Variants in UNC5D observed in about 807,000 individuals in gnomAD.
The protein encoded by UNC5D is unc-5 netrin receptor D, also known as netrin receptor UNC5D.
UNC5D carries 39 observed loss-of-function variants against 105.4 expected under a neutral mutation model. That is an observed-to-expected ratio of 0.37 (90% CI 0.29 to 0.48). UNC5D has a LOEUF of 0.48. Among genes scored for constraint, UNC5D ranks in the 20% least tolerant of loss-of-function variants. The pLI, the probability that UNC5D is intolerant of heterozygous loss-of-function variation, is 0.98. For synonymous variants in UNC5D, 452 were observed against 450.4 expected (o/e 1.00, Z -0.04); for missense variants, 991 against 1,202.4 (o/e 0.82, Z 2.60).
At chr8:35,575,745 A>G (rs554396910) in intron 3 of UNC5D, among the ~76,000 whole-genome samples, 1 of 152,296 alleles carries the variant, frequency 6.6e-6, no homozygotes, top group East Asian at 1.9e-4. Context: ...AAGAGACAAT[A>G]TTATTCTACT....
At chr8:35,754,326 T>C (rs1377935408) in intron 13 of UNC5D, among the ~76,000 whole-genome samples, 2 of 152,216 alleles carry the variant, frequency 1.3e-5, no homozygotes, top group South Asian at 2.1e-4. Flanking sequence ...CTTATGATGA[T>C]ACGTTTGTTG....
intron 3 of UNC5D, among the ~76,000 whole-genome samples, chr8:35,577,833 G>A (rs1466202289): frequency 6.6e-6 from 1 of 152,142 alleles, no homozygotes; most frequent in Non-Finnish European, 1.5e-5. Flanking sequence ...AGTAATCAAT[G>A]TTAATGTCAC....
intron 1 of UNC5D, among the ~76,000 whole-genome samples, chr8:35,351,338 T>C (rs1231457641): frequency 6.6e-6 from 1 of 152,124 alleles, no homozygotes; most frequent in African/African-American, 2.4e-5. Context: ...GGTGATCTTA[T>C]CCAGGGGTTT....
chr8:35,705,802 C>T (rs2131452372), intron 7 of UNC5D, 127 bp from the exon 8 acceptor site: 2 of 524,390 alleles, frequency 3.8e-6, no homozygotes, highest in South Asian at 2.4e-5. Flanking sequence ...AATGCCATTC[C>T]TGTTGTCCAT....
At chr8:35,586,816 T>G (rs1049176415) in intron 3 of UNC5D, among the ~76,000 whole-genome samples, 1 of 152,230 alleles carries the variant, frequency 6.6e-6, no homozygotes, top group Admixed American at 6.5e-5. Context: ...AAATTATTTT[T>G]ATTTCATTGC....
intron 1 of UNC5D, among the ~76,000 whole-genome samples, chr8:35,312,843 G>A (rs951873456): frequency 3.3e-5 from 5 of 152,170 alleles, no homozygotes; most frequent in Non-Finnish European, 7.3e-5. Context: ...AATAGTCACT[G>A]TTGTGTAACA....
chr8:35,250,563 C>T (rs941540440), intron 1 of UNC5D, among the ~76,000 whole-genome samples: 3 of 152,110 alleles, frequency 2.0e-5, no homozygotes, highest in African/African-American at 2.4e-5. Flanking sequence ...GGCACGATCT[C>T]GGCTCACCGC....
intron 4 of UNC5D, among the ~76,000 whole-genome samples, chr8:35,666,179 A>C (rs561630505): frequency 6.6e-6 from 1 of 152,032 alleles, no homozygotes; most frequent in East Asian, 1.9e-4. Context: ...TTTTTTTGTA[A>C]ATGTATGCCT....
chr8:35,722,296 CT>C lies in UNC5D; in HGVS notation c.1207del (p.Tyr403ThrfsTer18). 2 of 1,614,174 alleles carry C rather than the reference CT, an allele frequency of 1.2e-6. No individual in the cohort carries two copies. The highest frequency in any genetic ancestry group is 1.7e-6 in the Non-Finnish European group (2 of 1,180,030). The part of the protein sequence containing the change: ...AVAVLVIGVT[L>X]YRRSQSDYGV... ...TGCAGTCCTGGTCATTGGTGTCACCCTTTACAGACGGAGCCAGAGTGACTAT... is the reference window on the plus strand; with the variant it reads ...TGCAGTCCTGGTCATTGGTGTCACCCTTACAGACGGAGCCAGAGTGACTAT... On this transcript the variant is annotated frameshift_variant, in exon 9 of 17. Coordinates refer to ENST00000404895, the MANE Select transcript of UNC5D (RefSeq NM_080872.4). LOFTEE classifies it high-confidence loss of function.
At chr8:35,718,120 G>A (rs1208962858) in intron 8 of UNC5D, among the ~76,000 whole-genome samples, 3 of 151,534 alleles carry the variant, frequency 2.0e-5, no homozygotes, top group African/African-American at 7.3e-5. Flanking sequence ...AACACCTGTA[G>A]AATGTAGACA....
At chr8:35,394,042 T>C (rs191275792) in intron 1 of UNC5D, among the ~76,000 whole-genome samples, 1 of 152,058 alleles carries the variant, frequency 6.6e-6, no homozygotes, top group East Asian at 1.9e-4. Context: ...ATCTTTTTCC[T>C]TTTTTTTCTC....
rs2131818113 is a variant in UNC5D at position 35,790,802 on chromosome 8, A to T, written c.*239A>T. 1.8e-6 allele frequency: 1 copy of T among 550,436 alleles called. No homozygotes were observed. The highest frequency in any genetic ancestry group is 2.2e-5 in the South Asian group (1 of 44,804). 34.1% of individuals were successfully genotyped at this position (550,436 alleles called of 1,614,324 possible). On this transcript the variant is annotated 3_prime_UTR_variant, in exon 17 of 17. Coordinates refer to ENST00000404895, the MANE Select transcript of UNC5D (RefSeq NM_080872.4). Reference sequence around the variant, plus strand: ...CTCCTTGGAATCCACATTTGGGTTAACTCCTCAGATTTGGAGTGGCAAGGA... The same window carrying T: ...CTCCTTGGAATCCACATTTGGGTTATCTCCTCAGATTTGGAGTGGCAAGGA...
At chr8:35,260,986 G>A (rs1804452535) in intron 1 of UNC5D, among the ~76,000 whole-genome samples, 1 of 152,254 alleles carries the variant, frequency 6.6e-6, no homozygotes, top group East Asian at 1.9e-4. Flanking sequence ...TGCCATTTCA[G>A]TGACTCAGAG....
intron 1 of UNC5D, among the ~76,000 whole-genome samples, chr8:35,276,171 G>T (rs1315861248): frequency 6.6e-6 from 1 of 152,106 alleles, no homozygotes; most frequent in Non-Finnish European, 1.5e-5. Context: ...CAGTAAAGAG[G>T]TTTACACTGA....
At chr8:35,467,631 C>T (rs1196461260) in intron 1 of UNC5D, among the ~76,000 whole-genome samples, 1 of 143,722 alleles carries the variant, frequency 7.0e-6, no homozygotes, top group Non-Finnish European at 1.5e-5. Context: ...CTATCAATAA[C>T]TGTCTCCAAA....
At chr8:35,258,039 A>G (rs1224321795) in intron 1 of UNC5D, among the ~76,000 whole-genome samples, 1 of 152,214 alleles carries the variant, frequency 6.6e-6, no homozygotes, top group African/African-American at 2.4e-5. Flanking sequence ...TACATAGTAG[A>G]CATTTCTTGC....
chr8:35,684,062 C>G (rs1441944685), intron 5 of UNC5D, among the ~76,000 whole-genome samples: 1 of 152,144 alleles, frequency 6.6e-6, no homozygotes, highest in Admixed American at 6.5e-5. Flanking sequence ...GCCTCTCAAA[C>G]CCAACACTCA....
At chr8:35,571,980 A>T (rs1817753932) in intron 3 of UNC5D, among the ~76,000 whole-genome samples, 1 of 152,162 alleles carries the variant, frequency 6.6e-6, no homozygotes, top group Admixed American at 6.5e-5. Context: ...ATCCAGCAAG[A>T]ATTACCAATT....
chr8:35,299,041 A>ATATGCC (rs1306814931), intron 1 of UNC5D, among the ~76,000 whole-genome samples: 1 of 152,224 alleles, frequency 6.6e-6, no homozygotes, highest in Admixed American at 6.5e-5. Flanking sequence ...AGGGAGTCAG[A>ATATGCC]TATGCCTGGT....
Sources: gnomAD v4.1 joint callset for allele counts (sites outside exome capture counted in the v4.1 genomes callset) on GRCh38, gnomAD v4.1.1 for gene constraint, MANE v1.5 for transcripts, NCBI Gene and HGNC (gene_info 2026-07-23, HGNC 2026-07-21) for gene names.